The following KIF3A variants were observed in gnomAD, a reference collection of about 807,000 sequenced individuals.
KIF3A encodes the protein kinesin family member 3A.
In KIF3A, 27 loss-of-function variants were observed where a neutral mutation model predicts 92.6. The observed-to-expected ratio is 0.29, with a 90% CI of 0.21 to 0.40. The LOEUF is 0.40. Ranked by LOEUF, KIF3A falls within the 10% of genes least tolerant of loss-of-function variation. The pLI is 1.00. For missense variants in KIF3A, 581 were observed against 872.6 expected (o/e 0.67, Z 4.21); for synonymous variants, 250 against 275.4 (o/e 0.91, Z 0.92).
At chr5:132,712,043 G>A (rs1753443949) in intron 8 of KIF3A, among the ~76,000 whole-genome samples, 1 of 152,148 alleles carries the variant, frequency 6.6e-6, no homozygotes, top group South Asian at 2.1e-4. Context: ...ATCACAACCA[G>A]GTAATAATTG....
chr5:132,717,730 G>C (rs1356348803), intron 5 of KIF3A, among the ~76,000 whole-genome samples: 1 of 151,046 alleles, frequency 6.6e-6, no homozygotes, highest in Non-Finnish European at 1.5e-5. Flanking sequence ...TTTTACAATA[G>C]ACCTGTATTA....
At chr5:132,708,650 T>C (rs184120962) in intron 10 of KIF3A, among the ~76,000 whole-genome samples, 62 of 152,348 alleles carry the variant, frequency 4.1e-4, no homozygotes, top group Middle Eastern at 3.4e-3. Flanking sequence ...CTAGCTCTCT[T>C]TACATTATCT....
intron 5 of KIF3A, among the ~76,000 whole-genome samples, chr5:132,717,208 T>C (rs944239769): frequency 2.6e-5 from 4 of 152,202 alleles, no homozygotes; most frequent in African/African-American, 9.6e-5. Flanking sequence ...GACATAACTT[T>C]AGCAAAAAAT....
intron 10 of KIF3A, among the ~76,000 whole-genome samples, chr5:132,707,332 G>T (rs1753248667): frequency 6.6e-6 from 1 of 152,046 alleles, no homozygotes. Context: ...GGTACACACA[G>T]CAACCACATG....
intron 4 of KIF3A, among the ~76,000 whole-genome samples, chr5:132,724,335 G>C (rs1753928486): frequency 6.6e-6 from 1 of 152,100 alleles, no homozygotes; most frequent in Admixed American, 6.5e-5. Flanking sequence ...CTGCTATAAA[G>C]ACACATGCAC....
intron 2 of KIF3A, among the ~76,000 whole-genome samples, chr5:132,730,135 G>A (rs1047210959): frequency 1.3e-5 from 2 of 152,168 alleles, no homozygotes; most frequent in Non-Finnish European, 2.9e-5. Flanking sequence ...TAGATGAAAC[G>A]GACTAATTCC....
rs1343010816 is a variant in KIF3A, at chr5:132,726,169, C to T, written c.469G>A (p.Val157Ile). 6.2e-7 allele frequency: 1 copy of T among 1,612,254 alleles called. No individual in the cohort carries two copies. The highest frequency in any genetic ancestry group is 1.7e-5 in the Admixed American group (1 of 59,802). ...TGATCCTTGCCCAAAAGGTCACGAACTTCTTCATTATATATTTCCAAATAA... is the reference window on the plus strand; with the variant it reads ...TGATCCTTGCCCAAAAGGTCACGAATTTCTTCATTATATATTTCCAAATAA... ...VSYLEIYNEE[V>I]RDLLGKDQTQ... Residue 157 changes from valine to isoleucine, a missense_variant, in exon 4 of 19, where the codon GTT (valine) becomes ATT (isoleucine). Around this residue, in one of 5 missense-constraint regions of KIF3A, gnomAD observed 217 missense variants for 299.7 expected, o/e 0.72. Transcript: ENST00000403231.
At chr5:132,707,764 G>T (rs906670706) in intron 10 of KIF3A, among the ~76,000 whole-genome samples, 1 of 152,146 alleles carries the variant, frequency 6.6e-6, no homozygotes, top group African/African-American at 2.4e-5. Flanking sequence ...TTTTGAAAGG[G>T]TAAGTATATA....
chr5:132,722,989 T>C (rs1400769051), intron 4 of KIF3A: 2 of 152,162 alleles, frequency 1.3e-5, no homozygotes, highest in Non-Finnish European at 2.9e-5. Flanking sequence ...TACAGTAGGG[T>C]AGTATACGAA....
chr5:132,698,807 G>A (rs1752925043), intron 18 of KIF3A, among the ~76,000 whole-genome samples: 1 of 143,778 alleles, frequency 7.0e-6, no homozygotes, highest in African/African-American at 2.6e-5. Flanking sequence ...TCATGATCTC[G>A]GCTAACTGCA....
chr5:132,690,337 G>A (rs758831111), downstream of KIF3A, among the ~76,000 whole-genome samples: 3 of 152,152 alleles, frequency 2.0e-5, no homozygotes, highest in Admixed American at 6.5e-5. Context: ...GGGGCAGTGA[G>A]CTATGAACGC....
At position 132,708,936 on chromosome 5, in the gene KIF3A, A is replaced by G. The variant is rs1753319869; in HGVS notation, c.1271T>C (p.Ile424Thr). The G allele has an allele frequency of 1.3e-6, 2 of 1,550,376 alleles. No individual in the cohort carries two copies. The highest frequency in any genetic ancestry group is 1.4e-5 in the African/African-American group (1 of 73,160). The change falls in exon 10 of 19, where the codon ATA becomes ACA. Residue 424 changes from isoleucine to threonine, a missense_variant. By Grantham distance (89) the Ile-to-Thr change is moderately conservative. Coordinates refer to ENST00000403231, the MANE Select transcript of KIF3A (RefSeq NM_001300791.2). The stretch of plus-strand genomic sequence containing the variant: ...CAAGAACTTATCCAGAGGTTTCTCT[A>G]TGACAGAACATGTGGAGTCTGAACT... Reference protein sequence around the residue: ...SSSSDSTCSVIEKPLDKFLPN... With the variant: ...SSSSDSTCSVTEKPLDKFLPN...
At chr5:132,726,060 G>A (rs1754022919) in intron 4 of KIF3A, 68 bp downstream of exon 4, 2 of 1,102,844 alleles carry the variant, frequency 1.8e-6, no homozygotes, top group Non-Finnish European at 2.6e-6. Context: ...AAAAAGAAGG[G>A]GGACCTTAAT....
chr5:132,732,056 A>C (rs1754250764), intron 2 of KIF3A, among the ~76,000 whole-genome samples: 1 of 152,156 alleles, frequency 6.6e-6, no homozygotes, highest in African/African-American at 2.4e-5. Flanking sequence ...AAAAAACCCA[A>C]AACATAAAAA....
At chr5:132,731,205 A>C (rs1754217197) in intron 2 of KIF3A, among the ~76,000 whole-genome samples, 2 of 152,160 alleles carry the variant, frequency 1.3e-5, no homozygotes, top group Non-Finnish European at 2.9e-5. Flanking sequence ...CAATACCCAA[A>C]CCAGAAAAAT....
chr5:132,736,961 G>C, intron 1 of KIF3A: 2 of 314,778 alleles, frequency 6.4e-6, no homozygotes, highest in Non-Finnish European at 6.1e-6. Context: ...CTCAAGGCTA[G>C]GAGACTCGGA....
intron 2 of KIF3A, 78 bp downstream of exon 2, chr5:132,734,127 C>A (rs1044926294): frequency 8.8e-7 from 1 of 1,140,848 alleles, no homozygotes; most frequent in African/African-American, 1.6e-5. Flanking sequence ...TCAAACTGCA[C>A]AGCTGCAATA....
At chr5:132,710,837 C>A in intron 9 of KIF3A, 122 bp downstream of exon 9, 3 of 1,324,318 alleles carry the variant, frequency 2.3e-6, no homozygotes, top group South Asian at 1.4e-5. Flanking sequence ...AAATGGCATA[C>A]ATCTTCTGTT....
In KIF3A at chr5:132,695,549, T is replaced by G. The variant is rs535473792; in HGVS notation, c.*1085A>C. ...AACAGAAAAAAATAATTATCTCTAT[T>G]ACAACTTACTTTACTATGAAATCAA... On this transcript the variant is annotated 3_prime_UTR_variant, in exon 19 of 19. Transcript: ENST00000403231. 1 of 152,464 alleles carries G rather than the reference T, an allele frequency of 6.6e-6. No individual in the cohort carries two copies. Among genetic ancestry groups the G allele is most frequent in the African/African-American group, 2.4e-5 (1 of 41,574 alleles). The allele number at this position is 152,464 out of a possible 1,614,324, so 9.4% of individuals were successfully genotyped here. A position where few individuals can be genotyped will look rare whatever the true frequency, so the allele number is the denominator to read the frequency against.
Sources: allele counts gnomAD v4.1 joint callset (sites outside exome capture counted in the v4.1 genomes callset), GRCh38; gene constraint gnomAD v4.1.1; regional missense constraint gnomAD v4.1.1; transcripts MANE v1.5; gene names NCBI Gene and HGNC (gene_info 2026-07-23, HGNC 2026-07-21).